Variants in CAMTA1 observed in about 807,000 individuals in gnomAD.
The protein encoded by CAMTA1 is calmodulin binding transcription activator 1.
A neutral mutation model predicts 170.9 loss-of-function variants in CAMTA1; 27 were observed. The ratio of observed to expected loss-of-function variants is 0.16; its 90% CI spans 0.12 to 0.22. CAMTA1 has a LOEUF of 0.22. Among genes scored for constraint, CAMTA1 ranks in the 10% least tolerant of loss-of-function variants. The pLI is 1.00. For synonymous variants in CAMTA1, 833 were observed against 891.5 expected (o/e 0.93, Z 1.17); for missense variants, 1,619 against 2,217.2 (o/e 0.73, Z 5.42).
chr1:6,901,657 A>G (rs1175823980), intron 3 of CAMTA1, among the ~76,000 whole-genome samples: 1 of 152,204 alleles, frequency 6.6e-6, no homozygotes, highest in Admixed American at 6.5e-5. Flanking sequence ...TAAAAACCAC[A>G]ATGAGATGCT....
At chr1:7,577,388 C>T (rs1055248521) in intron 6 of CAMTA1, among the ~76,000 whole-genome samples, 1 of 152,098 alleles carries the variant, frequency 6.6e-6, no homozygotes, top group Non-Finnish European at 1.5e-5. Flanking sequence ...GAAGCAAGGC[C>T]ACCTGTGTCA....
intron 4 of CAMTA1, among the ~76,000 whole-genome samples, chr1:7,117,172 T>C (rs545936327): frequency 1.3e-5 from 2 of 151,740 alleles, no homozygotes; most frequent in East Asian, 3.9e-4. Flanking sequence ...GGTTTCGCCA[T>C]GTTGGCCAGG....
At chr1:7,171,399 CTT>C (rs1573624363) in intron 4 of CAMTA1, among the ~76,000 whole-genome samples, 1 of 152,182 alleles carries the variant, frequency 6.6e-6, no homozygotes, top group African/African-American at 2.4e-5. Context: ...CTGGTGAACT[CTT>C]TCTCTTTCCA....
intron 3 of CAMTA1, among the ~76,000 whole-genome samples, chr1:6,831,835 T>C (rs1208001526): frequency 1.3e-5 from 2 of 152,148 alleles, no homozygotes; most frequent in East Asian, 3.8e-4. Context: ...GGTAAAAATG[T>C]CTATGTAGAG....
intron 4 of CAMTA1, among the ~76,000 whole-genome samples, chr1:7,238,497 G>C (rs996606792): frequency 2.0e-5 from 3 of 152,262 alleles, no homozygotes; most frequent in African/African-American, 7.2e-5. Flanking sequence ...TGCAGAGCAA[G>C]ACTGGAGGAA....
chr1:7,080,882 G>T (rs1252208008), intron 3 of CAMTA1, among the ~76,000 whole-genome samples: 1 of 152,222 alleles, frequency 6.6e-6, no homozygotes, highest in Non-Finnish European at 1.5e-5. Context: ...AGATAAAAGA[G>T]AATTCTAAGT....
intron 4 of CAMTA1, among the ~76,000 whole-genome samples, chr1:7,124,498 C>G (rs977099478): frequency 6.6e-6 from 1 of 152,214 alleles, no homozygotes; most frequent in Non-Finnish European, 1.5e-5. Flanking sequence ...TGTGGATGGC[C>G]CTTCTGCAAT....
At chr1:6,849,191 G>A (rs1039531750) in intron 3 of CAMTA1, among the ~76,000 whole-genome samples, 8 of 152,150 alleles carry the variant, frequency 5.3e-5, no homozygotes, top group African/African-American at 1.9e-4. Flanking sequence ...TTGAGTGATG[G>A]TGGTACTGTA....
chr1:7,072,999 T>C lies in CAMTA1; in HGVS notation c.235-18305T>C, dbSNP rs147005162. ...CCTGACTAGTGTGAAGAAGCAAGAGTGTAGGCAGGGAGATCCAAAAGGCAG... is the reference window on the plus strand; with the variant it reads ...CCTGACTAGTGTGAAGAAGCAAGAGCGTAGGCAGGGAGATCCAAAAGGCAG... On this transcript the variant is annotated intron_variant, in intron 3 of 22. Coordinates refer to ENST00000303635, the MANE Select transcript of CAMTA1 (RefSeq NM_015215.4). Among the ~76,000 whole-genome samples the C allele has an allele frequency of 9.0e-3, 1,368 of 151,830 alleles. 7 individuals carry two copies. The highest frequency in any genetic ancestry group is 0.014 in the Non-Finnish European group (973 of 67,910).
At position 6,795,348 on chromosome 1, in the gene CAMTA1, T is replaced by C. The variant is rs1022101614; in HGVS notation, c.45+9773T>C. ...GACTACAGGTGTGTGTCACCATGGCTGCTTAGGTTTTTTTTTTCTCTTTTT... is the reference window on the plus strand; with the variant it reads ...GACTACAGGTGTGTGTCACCATGGCCGCTTAGGTTTTTTTTTTCTCTTTTT... On this transcript the variant is annotated intron_variant, in intron 1 of 22. Coordinates refer to ENST00000303635, the MANE Select transcript of CAMTA1 (RefSeq NM_015215.4). Among the ~76,000 whole-genome samples, 20 of 145,662 alleles carry C rather than the reference T, an allele frequency of 1.4e-4. No homozygotes were observed. In the South Asian group the frequency reaches 1.5e-3, roughly 11 times the overall value.
chr1:7,135,199 C>T (rs1258943025), intron 4 of CAMTA1, among the ~76,000 whole-genome samples: 1 of 152,052 alleles, frequency 6.6e-6, no homozygotes, highest in East Asian at 1.9e-4. Flanking sequence ...CCAGCCCGGC[C>T]ATCATGGTGA....
chr1:7,666,408 G>A (rs757705734), intron 9 of CAMTA1, among the ~76,000 whole-genome samples: 1 of 152,148 alleles, frequency 6.6e-6, no homozygotes, highest in Admixed American at 6.5e-5. Context: ...CCCCCAGGCC[G>A]CCTCAGCTCC....
chr1:7,013,016 A>G (rs1700032018), intron 3 of CAMTA1, among the ~76,000 whole-genome samples: 2 of 150,186 alleles, frequency 1.3e-5, no homozygotes, highest in Admixed American at 6.7e-5. Context: ...TCTTGGGCCA[A>G]AAGCCTTGGG....
intron 3 of CAMTA1, among the ~76,000 whole-genome samples, chr1:6,993,637 ACTGTTTGTCTTGAAGT>A (rs372638753): frequency 0.021 from 3,155 of 152,202 alleles, 42 homozygotes; most frequent in Non-Finnish European, 0.031. Flanking sequence ...CTTCTGGTAA[ACTGTTTGTCTTGAAGT>A]CTACGCTACA....
At chr1:7,374,682 G>A (rs2086714860) in intron 5 of CAMTA1, among the ~76,000 whole-genome samples, 1 of 152,194 alleles carries the variant, frequency 6.6e-6, no homozygotes, top group African/African-American at 2.4e-5. Flanking sequence ...GCACCCCTGA[G>A]CAATGGGCAT....
intron 3 of CAMTA1, among the ~76,000 whole-genome samples, chr1:7,074,210 A>C (rs539691618): frequency 4.3e-4 from 65 of 152,330 alleles, no homozygotes; most frequent in Non-Finnish European, 8.7e-4. Flanking sequence ...AGAAAGTCAG[A>C]AATCCCACAC....
chr1:7,111,885 C>CA lies in CAMTA1; in HGVS notation c.302+20541dup, dbSNP rs66460647. On this transcript the variant is annotated intron_variant, in intron 4 of 22. Transcript: ENST00000303635. ...GGGCGACCGGGCAAGACTCCATCTC[C>CA]AAAAAAAAAAAAAAAAAAAAAAAAA... Among the ~76,000 whole-genome samples the CA allele has an allele frequency of 5.0e-3, 380 of 75,646 alleles. 10 individuals are homozygous for CA. Among genetic ancestry groups the CA allele is most frequent in the East Asian group, 0.023 (49 of 2,116 alleles). The allele number at this position is 75,646 out of a possible 152,430, so 49.6% of individuals were successfully genotyped here. A position where few individuals can be genotyped will look rare whatever the true frequency, so the allele number is the denominator to read the frequency against.
intron 5 of CAMTA1, among the ~76,000 whole-genome samples, chr1:7,445,822 T>A (rs2092664998): frequency 2.0e-5 from 3 of 152,174 alleles, no homozygotes; most frequent in Admixed American, 6.5e-5. Context: ...AGGGGTAGCA[T>A]CACTGAGGCT....
chr1:7,574,383 C>T (rs1037699925), intron 6 of CAMTA1, among the ~76,000 whole-genome samples: 2 of 152,206 alleles, frequency 1.3e-5, no homozygotes, highest in African/African-American at 4.8e-5. Flanking sequence ...CATCAGGGAG[C>T]CCTGGCAAGT....
Sources: gnomAD v4.1 joint callset for allele counts (sites outside exome capture counted in the v4.1 genomes callset) on GRCh38, gnomAD v4.1.1 for gene constraint, MANE v1.5 for transcripts, NCBI Gene and HGNC (gene_info 2026-07-23, HGNC 2026-07-21) for gene names.